The following CUX1 variants were observed in gnomAD, a reference collection of about 807,000 sequenced individuals.
CUX1 encodes protein CASP.
CUX1 carries 31 observed loss-of-function variants against 158.8 expected under a neutral mutation model. The observed-to-expected ratio is 0.20, with a 90% CI of 0.15 to 0.26. The LOEUF is 0.26. Among genes scored for constraint, CUX1 ranks in the 10% least tolerant of loss-of-function variants. The pLI, the probability that CUX1 is intolerant of heterozygous loss-of-function variation, is 1.00. For missense variants in CUX1, 1,589 were observed against 2,014.6 expected (o/e 0.79, Z 4.04); for synonymous variants, 879 against 862.1 (o/e 1.02, Z -0.34).
rs192374626 is a variant in CUX1, at chr7:102,143,751, C to T, written c.675-14809C>T. Among the ~76,000 whole-genome samples, 31 of 152,222 alleles carry T rather than the reference C, an allele frequency of 2.0e-4. No homozygotes were observed. The East Asian group carries it at 5.4e-3, about 27-fold the overall frequency. On this transcript the variant is annotated intron_variant, in intron 8 of 23. Transcript: ENST00000292535. ...TAGCAGAGTCTGGCATCAGGTGGAC[C>T]GCACAGGACGGCCACTTCTTCTTTT...
chr7:102,157,319 G>C (rs895315122), intron 8 of CUX1, among the ~76,000 whole-genome samples: 10 of 150,118 alleles, frequency 6.7e-5, no homozygotes, highest in Admixed American at 3.3e-4. Flanking sequence ...ATGGCCCTTG[G>C]GTATGCTAAA....
At chr7:102,064,169 C>T (rs1825277985) in intron 3 of CUX1, among the ~76,000 whole-genome samples, 1 of 151,878 alleles carries the variant, frequency 6.6e-6, no homozygotes, top group Admixed American at 6.6e-5. Flanking sequence ...AGTGTCTAAC[C>T]GTCTCTAGAT....
chr7:102,171,649 C>T (rs372839662), intron 10 of CUX1, among the ~76,000 whole-genome samples: 1 of 151,828 alleles, frequency 6.6e-6, no homozygotes, highest in Admixed American at 6.6e-5. Flanking sequence ...GGTTTTGTCG[C>T]GTTGCCCAGG....
intron 8 of CUX1, among the ~76,000 whole-genome samples, chr7:102,122,015 T>A (rs1356432005): frequency 6.6e-6 from 1 of 152,136 alleles, no homozygotes; most frequent in Non-Finnish European, 1.5e-5. Context: ...TAATTCCTCA[T>A]GAAAGACTCA....
chr7:101,896,050 C>T (rs956594861), intron 1 of CUX1, among the ~76,000 whole-genome samples: 1 of 151,448 alleles, frequency 6.6e-6, no homozygotes, highest in Admixed American at 6.6e-5. Context: ...CTGCACTTGG[C>T]GTATTTATTT....
intron 8 of CUX1, among the ~76,000 whole-genome samples, chr7:102,135,336 T>C (rs567768910): frequency 6.6e-6 from 1 of 152,224 alleles, no homozygotes; most frequent in Non-Finnish European, 1.5e-5. Context: ...CACTTTCCGT[T>C]CATTAAGTGG....
intron 2 of CUX1, among the ~76,000 whole-genome samples, chr7:101,923,950 G>A (rs1250333537): frequency 6.6e-6 from 1 of 152,224 alleles, no homozygotes; most frequent in African/African-American, 2.4e-5. Context: ...TTCCCGGGTA[G>A]CAGTTGTAAA....
chr7:102,208,981 G>A (rs148188794), intron 20 of CUX1, among the ~76,000 whole-genome samples: 47 of 152,326 alleles, frequency 3.1e-4, no homozygotes, highest in African/African-American at 1.1e-3. Flanking sequence ...TGCTCAGCCA[G>A]CCACAGCCCT....
chr7:101,885,606 A>C (rs1389380631), intron 1 of CUX1, among the ~76,000 whole-genome samples: 1 of 152,142 alleles, frequency 6.6e-6, no homozygotes, highest in Non-Finnish European at 1.5e-5. Flanking sequence ...CTCCCCAGGA[A>C]GGCCCAGGCC....
At chr7:102,158,712 AT>A in intron 9 of CUX1, 104 bp downstream of exon 9, 2 of 1,061,954 alleles carry the variant, frequency 1.9e-6, no homozygotes, top group Non-Finnish European at 2.9e-6. Context: ...TTATCCTTCC[AT>A]TTTTTACTGA....
intron 9 of CUX1, among the ~76,000 whole-genome samples, chr7:102,162,118 G>A (rs1297655145): frequency 8.6e-5 from 13 of 151,932 alleles, no homozygotes; most frequent in East Asian, 3.9e-4. Flanking sequence ...AATCTGGGAC[G>A]CGAAAAGATA....
chr7:101,882,308 C>T (rs546101748), intron 1 of CUX1, among the ~76,000 whole-genome samples: 1 of 152,312 alleles, frequency 6.6e-6, no homozygotes, highest in East Asian at 1.9e-4. Flanking sequence ...TCACTCAGCA[C>T]GCCCTGTTGC....
At chr7:102,227,734 G>A in intron 21 of CUX1, 65 bp downstream of exon 21, 1 of 1,539,598 alleles carries the variant, frequency 6.5e-7, no homozygotes, top group Non-Finnish European at 8.8e-7. Context: ...AGCAGGTGAA[G>A]GGCGGGCCCT....
intron 3 of CUX1, among the ~76,000 whole-genome samples, chr7:102,058,735 A>G (rs1824438135): frequency 6.6e-6 from 1 of 152,188 alleles, no homozygotes; most frequent in Non-Finnish European, 1.5e-5. Flanking sequence ...ATCTACTCAC[A>G]ACAATGGTGA....
intron 4 of CUX1, among the ~76,000 whole-genome samples, chr7:102,092,849 G>A (rs1296766076): frequency 6.8e-6 from 1 of 147,214 alleles, no homozygotes; most frequent in African/African-American, 2.5e-5. Flanking sequence ...GGAGGCAGAG[G>A]ATGTAGTGAG....
At chr7:102,218,777 G>A (rs1387483887) in intron 20 of CUX1, among the ~76,000 whole-genome samples, 1 of 151,698 alleles carries the variant, frequency 6.6e-6, no homozygotes, top group African/African-American at 2.4e-5. Flanking sequence ...TGTTGGCCAG[G>A]CACGGTGGCT....
chr7:102,043,522 A>T (rs1222685940), intron 3 of CUX1, among the ~76,000 whole-genome samples: 2 of 152,060 alleles, frequency 1.3e-5, no homozygotes, highest in Admixed American at 1.3e-4. Context: ...GGGGACCTTG[A>T]GTATGTGCAG....
chr7:101,938,294 A>G (rs1465181623), intron 2 of CUX1, among the ~76,000 whole-genome samples: 3 of 151,982 alleles, frequency 2.0e-5, no homozygotes, highest in Admixed American at 6.6e-5. Flanking sequence ...TTGCAGAGAC[A>G]GGGTCTCGCT....
chr7:101,999,420 C>T (rs1050869223), intron 2 of CUX1, among the ~76,000 whole-genome samples: 1 of 151,992 alleles, frequency 6.6e-6, no homozygotes, highest in Admixed American at 6.6e-5. Context: ...CTAAGCATAG[C>T]CCTTTGAACT....
Sources: gnomAD v4.1 joint callset for allele counts (sites outside exome capture counted in the v4.1 genomes callset) on GRCh38, gnomAD v4.1.1 for gene constraint, MANE v1.5 for transcripts, NCBI Gene and HGNC (gene_info 2026-07-23, HGNC 2026-07-21) for gene names.